Variants in UEVLD observed in about 807,000 individuals in gnomAD.
UEVLD encodes UEV and lactate/malate dehyrogenase domains, also known as ubiquitin-conjugating enzyme E2 variant 3.
Under a neutral mutation model 58.6 loss-of-function variants are expected in UEVLD, and 47 were observed. The ratio of observed to expected loss-of-function variants is 0.80; its 90% CI spans 0.63 to 1.02. UEVLD has a LOEUF of 1.02. Among genes scored for constraint, UEVLD ranks in the 50% least tolerant of loss-of-function variants. The probability of loss-of-function intolerance (pLI) is 0.00; values close to 1 mark genes in which losing one functional copy is unlikely to be tolerated. For missense variants in UEVLD, 510 were observed against 550.6 expected (o/e 0.93, Z 0.74); for synonymous variants, 197 against 195.3 (o/e 1.01, Z -0.07).
intron 9 of UEVLD, among the ~76,000 whole-genome samples, chr11:18,543,715 C>T (rs1323100289): frequency 6.6e-6 from 1 of 152,102 alleles, no homozygotes; most frequent in African/African-American, 2.4e-5. Context: ...AAATCACTGA[C>T]CAACCTGGCT....
intron 1 of UEVLD, among the ~76,000 whole-genome samples, chr11:18,583,657 CTTTT>C (rs35384688): frequency 3.6e-4 from 42 of 117,232 alleles, no homozygotes; most frequent in South Asian, 8.9e-4. Flanking sequence ...TCCAGTATTA[CTTTT>C]TTTTTTTTTT....
chr11:18,557,850 C>T (rs1851825339), intron 7 of UEVLD, among the ~76,000 whole-genome samples: 1 of 152,168 alleles, frequency 6.6e-6, no homozygotes, highest in African/African-American at 2.4e-5. Context: ...AATGTCAGCA[C>T]TATTATGGCA....
intron 10 of UEVLD, among the ~76,000 whole-genome samples, chr11:18,535,408 T>A (rs1017948169): frequency 2.6e-5 from 4 of 152,226 alleles, no homozygotes; most frequent in African/African-American, 9.6e-5. Context: ...TAAAAATACA[T>A]AAACACTTAA....
At chr11:18,553,284 C>T (rs1393631269) in intron 7 of UEVLD, among the ~76,000 whole-genome samples, 1 of 150,952 alleles carries the variant, frequency 6.6e-6, no homozygotes, top group African/African-American at 2.4e-5. Flanking sequence ...CACGATTGTG[C>T]CACTGCACTC....
chr11:18,560,138 C>CACACACACACACACACACACACAGAGAG (rs368897951), intron 6 of UEVLD, among the ~76,000 whole-genome samples: 1 of 74,840 alleles, frequency 1.3e-5, no homozygotes, highest in Non-Finnish European at 2.5e-5. Context: ...CACACACACA[C>CACACACACACACACACACACACAGAGAG]AGAGAGAGAA....
At chr11:18,577,140 G>T (rs1019989990) in intron 2 of UEVLD, among the ~76,000 whole-genome samples, 1 of 152,136 alleles carries the variant, frequency 6.6e-6, no homozygotes, top group African/African-American at 2.4e-5. Context: ...CTGAGATCGT[G>T]CCACTGCACT....
intron 7 of UEVLD, among the ~76,000 whole-genome samples, chr11:18,552,741 A>G (rs1851582489): frequency 6.6e-6 from 1 of 151,652 alleles, no homozygotes; most frequent in African/African-American, 2.4e-5. Context: ...CACAATTGTA[A>G]TCCCAGCTAT....
At position 18,530,418 on chromosome 11, in the gene UEVLD, A is replaced by C. The variant is rs1850520008; in HGVS notation, c.*1902T>G. On this transcript the variant is annotated 3_prime_UTR_variant, in exon 12 of 12. Transcript: ENST00000396197. ...AATATAATTTCACCTTTTCTTTATGACTAAAGTTCATCATTATAAGCATTC... is the reference window on the plus strand; with the variant it reads ...AATATAATTTCACCTTTTCTTTATGCCTAAAGTTCATCATTATAAGCATTC... The C allele has an allele frequency of 6.6e-6, 1 of 152,210 alleles. No homozygotes were observed. Among genetic ancestry groups the C allele is most frequent in the Admixed American group, 6.5e-5 (1 of 15,278 alleles). 9.4% of individuals were successfully genotyped at this position (152,210 alleles called of 1,614,324 possible). A position where few individuals can be genotyped will look rare whatever the true frequency, so the allele number is the denominator to read the frequency against.
intron 2 of UEVLD, among the ~76,000 whole-genome samples, chr11:18,576,912 G>A (rs1189169834): frequency 6.6e-6 from 1 of 152,226 alleles, no homozygotes; most frequent in East Asian, 1.9e-4. Flanking sequence ...GTCTGGCACA[G>A]TGGCTCATGC....
chr11:18,541,985 A>T (rs1371635009), intron 9 of UEVLD, among the ~76,000 whole-genome samples: 1 of 152,136 alleles, frequency 6.6e-6, no homozygotes, highest in Non-Finnish European at 1.5e-5. Flanking sequence ...CAGCTCTCTA[A>T]TAACGTGGCT....
chr11:18,588,401 G>A (rs1198192238), intron 1 of UEVLD, among the ~76,000 whole-genome samples: 1 of 152,172 alleles, frequency 6.6e-6, no homozygotes, highest in Non-Finnish European at 1.5e-5. Context: ...ACCAGGTGGA[G>A]GTTGGGAAAC....
At chr11:18,567,360 AT>A (rs1456919577) in intron 4 of UEVLD, among the ~76,000 whole-genome samples, 3 of 152,194 alleles carry the variant, frequency 2.0e-5, no homozygotes, top group Non-Finnish European at 4.4e-5. Context: ...TGTAAAACAG[AT>A]GTTTATTATT....
chr11:18,559,005 G>T (rs531923473), intron 6 of UEVLD, among the ~76,000 whole-genome samples: 1 of 151,302 alleles, frequency 6.6e-6, no homozygotes, highest in East Asian at 2.0e-4. Flanking sequence ...CTCCCAAATA[G>T]CTGGGATTAC....
intron 4 of UEVLD, among the ~76,000 whole-genome samples, chr11:18,568,714 AT>A (rs1852423755): frequency 6.6e-6 from 1 of 152,114 alleles, no homozygotes; most frequent in Admixed American, 6.6e-5. Flanking sequence ...TTCTTTTTAA[AT>A]GTTTTCTATA....
chr11:18,572,461 G>A (rs1308178633), intron 3 of UEVLD, among the ~76,000 whole-genome samples: 1 of 152,086 alleles, frequency 6.6e-6, no homozygotes, highest in Non-Finnish European at 1.5e-5. Flanking sequence ...TTTAGCATAA[G>A]CATGTATAAT....
chr11:18,566,314 T>C (rs1267006955), intron 5 of UEVLD, 33 bp downstream of exon 5: 1 of 1,612,130 alleles, frequency 6.2e-7, no homozygotes, highest in South Asian at 1.1e-5. Flanking sequence ...AACTCATAAC[T>C]CTCAAGATAA....
intron 7 of UEVLD, among the ~76,000 whole-genome samples, chr11:18,554,585 A>T (rs1202025307): frequency 6.7e-6 from 1 of 150,346 alleles, no homozygotes; most frequent in East Asian, 2.0e-4. Context: ...TTTAGTAGAG[A>T]TGGGTTTCCA....
At chr11:18,585,875 T>G (rs1853528513) in intron 1 of UEVLD, among the ~76,000 whole-genome samples, 1 of 152,184 alleles carries the variant, frequency 6.6e-6, no homozygotes, top group South Asian at 2.1e-4. Flanking sequence ...CCTCAAGTGA[T>G]CCGCCCACCT....
chr11:18,549,397 A>C (rs1243218303), intron 7 of UEVLD, among the ~76,000 whole-genome samples: 3 of 152,114 alleles, frequency 2.0e-5, no homozygotes, highest in Non-Finnish European at 4.4e-5. Context: ...TAAACATAGT[A>C]GTGGCTACCT....
Sources: gnomAD v4.1 joint callset for allele counts (sites outside exome capture counted in the v4.1 genomes callset) on GRCh38, gnomAD v4.1.1 for gene constraint, MANE v1.5 for transcripts, NCBI Gene and HGNC (gene_info 2026-07-23, HGNC 2026-07-21) for gene names.